Variants in ZBTB7C observed in about 807,000 individuals in gnomAD.
ZBTB7C encodes zinc finger and BTB domain containing 7C.
In ZBTB7C, 8 loss-of-function variants were observed where a neutral mutation model predicts 25.7. That is an observed-to-expected ratio of 0.31 (90% CI 0.18 to 0.56). The LOEUF (loss-of-function observed/expected upper bound fraction) is 0.56, where lower values mean the gene tolerates loss of function less well. ZBTB7C is among the 20% of genes least tolerant of loss of function. The probability of loss-of-function intolerance (pLI) is 0.91; values close to 1 mark genes in which losing one functional copy is unlikely to be tolerated. For synonymous variants in ZBTB7C, 394 were observed against 369.0 expected (o/e 1.07, Z -0.78); for missense variants, 824 against 855.2 (o/e 0.96, Z 0.46).
At chr18:48,221,266 C>A (rs989553601) in intron 2 of ZBTB7C, among the ~76,000 whole-genome samples, 5 of 150,762 alleles carry the variant, frequency 3.3e-5, no homozygotes, top group African/African-American at 1.2e-4. Flanking sequence ...GTTCTAGACT[C>A]CCTCTATACT....
chr18:48,173,036 T>C (rs1470713635), intron 3 of ZBTB7C, among the ~76,000 whole-genome samples: 1 of 152,238 alleles, frequency 6.6e-6, no homozygotes, highest in Non-Finnish European at 1.5e-5. Context: ...TGGAGCAACT[T>C]GAAAGCTCCG....
chr18:48,275,669 T>C (rs2044624781), intron 2 of ZBTB7C, among the ~76,000 whole-genome samples: 1 of 152,102 alleles, frequency 6.6e-6, no homozygotes, highest in African/African-American at 2.4e-5. Context: ...TCCCCTGCAC[T>C]TGTATTTTTG....
At chr18:48,234,823 T>A (rs748044616) in intron 2 of ZBTB7C, among the ~76,000 whole-genome samples, 1 of 152,232 alleles carries the variant, frequency 6.6e-6, no homozygotes, top group African/African-American at 2.4e-5. Context: ...GGTGGATTTA[T>A]CCATTTTTCC....
At chr18:48,341,712 T>C (rs116860947) in intron 1 of ZBTB7C, among the ~76,000 whole-genome samples, 4 of 152,338 alleles carry the variant, frequency 2.6e-5, no homozygotes, top group Non-Finnish European at 4.4e-5. Context: ...CCGGGATCAG[T>C]TGGTCTAATT....
At chr18:48,223,697 T>C (rs1220030539) in intron 2 of ZBTB7C, among the ~76,000 whole-genome samples, 1 of 152,176 alleles carries the variant, frequency 6.6e-6, no homozygotes, top group South Asian at 2.1e-4. Context: ...TCTGCTACTA[T>C]GACTTTGAGC....
chr18:48,385,391 G>T (rs1028193898), intron 1 of ZBTB7C, among the ~76,000 whole-genome samples: 2 of 152,140 alleles, frequency 1.3e-5, no homozygotes, highest in African/African-American at 4.8e-5. Flanking sequence ...GAGGCTGATG[G>T]GGGTCGCTGA....
At chr18:48,256,085 A>G (rs2044013725) in intron 2 of ZBTB7C, among the ~76,000 whole-genome samples, 1 of 152,200 alleles carries the variant, frequency 6.6e-6, no homozygotes, top group Admixed American at 6.5e-5. Flanking sequence ...ACAGGAATAA[A>G]GTATTTGAAA....
intron 3 of ZBTB7C, among the ~76,000 whole-genome samples, chr18:48,147,146 C>T (rs1009474075): frequency 7.2e-5 from 11 of 152,134 alleles, no homozygotes; most frequent in African/African-American, 1.9e-4. Flanking sequence ...GATGCCATCT[C>T]GGCTCACTGC....
chr18:48,371,698 G>A (rs769668000), intron 1 of ZBTB7C, among the ~76,000 whole-genome samples: 7 of 152,230 alleles, frequency 4.6e-5, no homozygotes, highest in Non-Finnish European at 1.0e-4. Flanking sequence ...AGACGTTAAT[G>A]AGCAAAAGCT....
intron 2 of ZBTB7C, among the ~76,000 whole-genome samples, chr18:48,240,210 T>C (rs2043487362): frequency 6.6e-6 from 1 of 152,068 alleles, no homozygotes; most frequent in African/African-American, 2.4e-5. Context: ...TTTGGAATTA[T>C]GTTAAATTAC....
intron 3 of ZBTB7C, chr18:48,076,832 T>C: frequency 3.5e-6 from 2 of 569,218 alleles, no homozygotes; most frequent in Non-Finnish European, 4.4e-6. Context: ...ACCCATGGGA[T>C]TGCAGGAGAA....
In ZBTB7C at chr18:48,029,599, C is replaced by G. The variant is rs1391292976; in HGVS notation, c.1521G>C (p.Met507Ile). ...CGCCCACCTCGCCCAGCGCAGGGGG[C>G]ATCACGAAGGCCGCCTTGTCGGGGG... Reference protein sequence around the residue: ...GPAPDKAAFVMPPALGEVGGH... With the variant: ...GPAPDKAAFVIPPALGEVGGH... The change falls in exon 5 of 5, where the codon ATG (methionine) becomes ATC (isoleucine). Residue 507 changes from methionine (M) to isoleucine (I), a missense_variant. Physicochemically the swap from Met to Ile is conservative, Grantham distance 10. Around this residue, in one of 4 missense-constraint regions of ZBTB7C, gnomAD observed 342 missense variants for 307.0 expected, o/e 1.11. Transcript: ENST00000590800. The G allele has an allele frequency of 6.7e-7, 1 of 1,488,650 alleles. No homozygotes were observed. Among genetic ancestry groups the G allele is most frequent in the African/African-American group, 1.4e-5 (1 of 70,510 alleles). The allele number at this position is 1,488,650 out of a possible 1,614,324, so 92.2% of individuals were successfully genotyped here. A position where few individuals can be genotyped will look rare whatever the true frequency, so the allele number is the denominator to read the frequency against.
At chr18:48,253,554 C>T (rs1375151450) in intron 2 of ZBTB7C, among the ~76,000 whole-genome samples, 1 of 152,118 alleles carries the variant, frequency 6.6e-6, no homozygotes, top group African/African-American at 2.4e-5. Context: ...GAGGCACTAG[C>T]ATTCTTCCTG....
chr18:48,055,641 C>T (rs1411592343), intron 3 of ZBTB7C, among the ~76,000 whole-genome samples: 1 of 152,030 alleles, frequency 6.6e-6, no homozygotes, highest in Admixed American at 6.6e-5. Flanking sequence ...AGGAGCCTGC[C>T]TTCACTCTCC....
rs933781718 is a variant in ZBTB7C, at chr18:48,137,273, C to T, written c.-17+48661G>A. 5.1e-6 allele frequency: 5 copies of T among 985,344 alleles called. No individual in the cohort carries two copies. In the African/African-American group the frequency reaches 8.7e-5, roughly 17 times the overall value. The allele number at this position is 985,344 out of a possible 1,614,324, so 61.0% of individuals were successfully genotyped here. A position where few individuals can be genotyped will look rare whatever the true frequency, so the allele number is the denominator to read the frequency against. ...TAAGCGCAGGACAGGACGATCTCAC[C>T]ACTCGCGCGTTACGCTTCACTTTAT... On this transcript the variant is annotated intron_variant, in intron 3 of 4. Transcript: ENST00000590800.
intron 2 of ZBTB7C, among the ~76,000 whole-genome samples, chr18:48,279,876 G>T (rs2044780080): frequency 6.6e-6 from 1 of 152,230 alleles, no homozygotes; most frequent in Admixed American, 6.5e-5. Flanking sequence ...GAAGAAAGGG[G>T]ATGAAGGAAA....
intron 3 of ZBTB7C, among the ~76,000 whole-genome samples, chr18:48,151,503 G>A (rs746950845): frequency 2.6e-5 from 4 of 152,142 alleles, no homozygotes; most frequent in African/African-American, 4.8e-5. Context: ...CCACAGCGCT[G>A]CCAGCATTTC....
intron 3 of ZBTB7C, among the ~76,000 whole-genome samples, chr18:48,175,546 G>A (rs1047519379): frequency 6.6e-6 from 1 of 152,178 alleles, no homozygotes; most frequent in Non-Finnish European, 1.5e-5. Flanking sequence ...ATGTATAGGT[G>A]TATGGATGCA....
rs191485746 is a variant in ZBTB7C, at chr18:48,299,078, G to T, written c.-79+39096C>A. 5.3e-5 allele frequency among the ~76,000 whole-genome samples: 8 copies of T among 152,276 alleles called. No individual in the cohort carries two copies. In the East Asian group the frequency reaches 9.7e-4, roughly 18 times the overall value. ...ACCCACAGAGGTCCCAACCCTGATG[G>T]GGTGGAAGCTAGGGGCCCAGGGCAG... On this transcript the variant is annotated intron_variant, in intron 2 of 4. Transcript: ENST00000590800.
Sources: allele counts gnomAD v4.1 joint callset (sites outside exome capture counted in the v4.1 genomes callset), GRCh38; gene constraint gnomAD v4.1.1; regional missense constraint gnomAD v4.1.1; transcripts MANE v1.5; gene names NCBI Gene and HGNC (gene_info 2026-07-23, HGNC 2026-07-21).